Variants in LOXL1 observed in about 807,000 individuals in gnomAD.
The protein encoded by LOXL1 is lysyl oxidase homolog 1.
LOXL1 carries 31 observed loss-of-function variants against 62.2 expected under a neutral mutation model. The observed-to-expected ratio is 0.50, with a 90% confidence interval of 0.37 to 0.67. The LOEUF is 0.67. Among genes scored for constraint, LOXL1 ranks in the 30% least tolerant of loss-of-function variants. The pLI is 0.00. For missense variants in LOXL1, 775 were observed against 843.4 expected (o/e 0.92, Z 1.00); for synonymous variants, 403 against 384.4 (o/e 1.05, Z -0.56).
At chr15:73,946,292 C>T (rs1441815094) in intron 2 of LOXL1, 125 bp from the exon 3 acceptor site, 1 of 665,078 alleles carries the variant, frequency 1.5e-6, no homozygotes, top group Non-Finnish European at 2.6e-6. Flanking sequence ...AGAAGATCTT[C>T]AGGGACAAGG....
intron 1 of LOXL1, among the ~76,000 whole-genome samples, chr15:73,935,249 A>G (rs755992175): frequency 5.9e-5 from 9 of 152,160 alleles, no homozygotes; most frequent in Admixed American, 5.2e-4. Flanking sequence ...AGGCTGTTCC[A>G]GAGAGTAGGA....
chr15:73,946,936 C>A, intron 3 of LOXL1, 131 bp from the exon 4 acceptor site: 1 of 1,013,072 alleles, frequency 9.9e-7, no homozygotes, highest in Non-Finnish European at 1.4e-6. Flanking sequence ...ACTCAGGAGA[C>A]AGGAGAACCT....
rs1255130209 is a variant in LOXL1 at position 73,949,474 on chromosome 15, A to G, written c.1618A>G (p.Lys540Glu). 6.2e-7 allele frequency: 1 copy of G among 1,612,448 alleles called. No homozygotes were observed. Among genetic ancestry groups the G allele is most frequent in the East Asian group, 2.2e-5 (1 of 44,856 alleles). The change falls in exon 6 of 7, where the codon AAG becomes GAG. Residue 540 changes from lysine to glutamate, a missense_variant. Coordinates refer to ENST00000261921, the MANE Select transcript of LOXL1 (RefSeq NM_005576.4). Reference sequence around the variant, plus strand: ...TCTTCCTCAGGTGCACGTGAACCCAAAGTATATTGTTTTGGAGTCTGACTT... The same window carrying G: ...TCTTCCTCAGGTGCACGTGAACCCAGAGTATATTGTTTTGGAGTCTGACTT... ...NYILKVHVNP[K>E]YIVLESDFTN...
chr15:73,950,903 A>C (rs2068780204), intron 6 of LOXL1, among the ~76,000 whole-genome samples: 1 of 152,236 alleles, frequency 6.6e-6, no homozygotes, highest in Admixed American at 6.5e-5. Context: ...GTTCCTCATG[A>C]GTAGAATGAG....
intron 2 of LOXL1, among the ~76,000 whole-genome samples, chr15:73,943,605 G>T (rs978510295): frequency 7.2e-5 from 11 of 151,896 alleles, no homozygotes; most frequent in African/African-American, 2.2e-4. Context: ...CATTATTCAT[G>T]GGTGATCCTG....
chr15:73,945,319 G>C lies in LOXL1; in HGVS notation c.1212-1098G>C, dbSNP rs980918996. ...TCTGGACCCAGTGCAAGATGTAGAT[G>C]GTATCGGGCTGTGCTGCAGTCAGTG... On this transcript the variant is annotated intron_variant, in intron 2 of 6. Coordinates refer to ENST00000261921, the MANE Select transcript of LOXL1 (RefSeq NM_005576.4). This position sits in a 1 kb window ranked among gnomAD's most constrained non-coding sequence, Gnocchi z 4.3. Among the ~76,000 whole-genome samples the C allele has an allele frequency of 5.3e-5, 8 of 152,190 alleles. No homozygotes were observed. The highest frequency in any genetic ancestry group is 1.9e-4 in the African/African-American group (8 of 41,436).
At position 73,930,977 on chromosome 15, in the gene LOXL1, C is replaced by G. The variant is rs895130151; in HGVS notation, c.1102+3092C>G. Among the ~76,000 whole-genome samples, 1 of 152,182 alleles carries G rather than the reference C, an allele frequency of 6.6e-6. No homozygotes were observed. Among genetic ancestry groups the G allele is most frequent in the Admixed American group, 6.5e-5 (1 of 15,286 alleles). ...GTCTCCTGCACTGTGTCGGCTCCCT[C>G]GATGTGACCACTCCTGCTATTACCA... is the stretch of plus-strand genomic sequence containing the variant. On this transcript the variant is annotated intron_variant, in intron 1 of 6. Transcript: ENST00000261921. This position sits in a 1 kb window ranked among gnomAD's most constrained non-coding sequence, Gnocchi z 4.7.
intron 1 of LOXL1, among the ~76,000 whole-genome samples, chr15:73,937,849 T>C (rs2068684883): frequency 6.6e-6 from 1 of 152,152 alleles, no homozygotes; most frequent in Non-Finnish European, 1.5e-5. Flanking sequence ...CCAGTGGTGC[T>C]GGGGGCTTGG....
intron 1 of LOXL1, among the ~76,000 whole-genome samples, chr15:73,936,387 C>T (rs1018777120): frequency 5.3e-5 from 8 of 152,182 alleles, no homozygotes; most frequent in African/African-American, 7.2e-5. Context: ...CAGCTCCCGC[C>T]GTGGAGGCCT....
Position 73,951,910 on chromosome 15 carries a change from AG to A in LOXL1, c.*77del. On this transcript the variant is annotated 3_prime_UTR_variant, in exon 7 of 7. Transcript: ENST00000261921. ...CTGCTCCCCGGGCAGCCTCCCGCCG[AG>A]GGGCCCAGCCCCCAACCCACAGGCA... is the stretch of plus-strand genomic sequence containing the variant. The A allele has an allele frequency of 7.3e-7, 1 of 1,374,522 alleles. No homozygotes were observed. Among genetic ancestry groups the A allele is most frequent in the Non-Finnish European group, 9.6e-7 (1 of 1,045,966 alleles). The allele number at this position is 1,374,522 out of a possible 1,614,324, so 85.1% of individuals were successfully genotyped here. A position where few individuals can be genotyped will look rare whatever the true frequency, so the allele number is the denominator to read the frequency against.
intron 4 of LOXL1, 100 bp from the exon 5 acceptor site, chr15:73,947,707 G>T: frequency 1.2e-6 from 1 of 834,468 alleles, no homozygotes; most frequent in Non-Finnish European, 2.0e-6. Flanking sequence ...GGTCAGGGGA[G>T]AAACCCAGGG....
intron 1 of LOXL1, among the ~76,000 whole-genome samples, chr15:73,938,279 C>CTATCTATCTATG (rs2068688790): frequency 1.3e-5 from 2 of 148,918 alleles, no homozygotes; most frequent in Admixed American, 6.7e-5. Flanking sequence ...GACTCCGTAT[C>CTATCTATCTATG]TATCTATCTA....
chr15:73,949,446 T>C lies in LOXL1; in HGVS notation c.1603-13T>C. The stretch of plus-strand genomic sequence containing the variant: ...ACTAGACTCCCTTTCTCCCTGTTTC[T>C]CTTCTTCCTCAGGTGCACGTGAACC... On this transcript the variant is annotated splice_polypyrimidine_tract_variant and intron_variant, in intron 5 of 6. Coordinates refer to ENST00000261921, the MANE Select transcript of LOXL1 (RefSeq NM_005576.4). The C allele has an allele frequency of 6.5e-7, 1 of 1,533,318 alleles. No individual in the cohort carries two copies. Among genetic ancestry groups the C allele is most frequent in the Non-Finnish European group, 9.0e-7 (1 of 1,106,260 alleles). 95.0% of individuals were successfully genotyped at this position (1,533,318 alleles called of 1,614,324 possible). A position where few individuals can be genotyped will look rare whatever the true frequency, so the allele number is the denominator to read the frequency against.
At chr15:73,944,780 G>C (rs1344210158) in intron 2 of LOXL1, among the ~76,000 whole-genome samples, 1 of 152,178 alleles carries the variant, frequency 6.6e-6, no homozygotes, top group African/African-American at 2.4e-5. Flanking sequence ...GGATTTAACT[G>C]AACAGAGGGA....
chr15:73,947,155 T>C lies in LOXL1; in HGVS notation c.1438T>C (p.Phe480Leu). The change falls in exon 4 of 7, where the codon TTC becomes CTC. Residue 480 changes from phenylalanine (F) to leucine (L), a missense_variant. Physicochemically the swap from Phe to Leu is conservative, Grantham distance 22. Transcript: ENST00000261921. ...GGTGGCCGAGGGCCACAAGGCCAGT[T>C]TCTGCCTGGAGGACAGCACCTGTGA... is the stretch of plus-strand genomic sequence containing the variant. ...KKVAEGHKAS[F>L]CLEDSTCDFG... 6.2e-7 allele frequency: 1 copy of C among 1,613,842 alleles called. No individual in the cohort carries two copies. Among genetic ancestry groups the C allele is most frequent in the Non-Finnish European group, 8.5e-7 (1 of 1,179,736 alleles).
rs146322041 is a variant in LOXL1, at chr15:73,941,139, C to G, written c.1103-1715C>G. ...AGGGTCCAGAGAGTGAGAACCAGCT[C>G]CCAGCTGGCTTGAGGGCCTATGGGT... On this transcript the variant is annotated intron_variant, in intron 1 of 6. Transcript: ENST00000261921. 3.1e-3 allele frequency among the ~76,000 whole-genome samples: 473 copies of G among 152,300 alleles called. 3 individuals carry two copies. Among genetic ancestry groups the G allele is most frequent in the Middle Eastern group, 0.027 (8 of 294 alleles).
At chr15:73,949,331 C>T (rs541249957) in intron 5 of LOXL1, 128 bp from the exon 6 acceptor site, 3 of 716,656 alleles carry the variant, frequency 4.2e-6, no homozygotes, top group Admixed American at 3.8e-5. Flanking sequence ...AGCAGTGTGT[C>T]TCTGTTCTCC....
Position 73,927,869 on chromosome 15 carries a change from C to T in LOXL1, c.1086C>T (p.Pro362=). ...GRLSVGSVYR[P]NQNGRGLPDL... ...TCAGCGTGGGCAGCGTGTACCGGCCCAACCAGAACGGCCGCGGTGAGTACG... is the reference window on the plus strand; with the variant it reads ...TCAGCGTGGGCAGCGTGTACCGGCCTAACCAGAACGGCCGCGGTGAGTACG... The change falls in exon 1 of 7, where the codon CCC becomes CCT. Residue 362 remains proline (P), a synonymous_variant. Transcript: ENST00000261921. 7.6e-7 allele frequency: 1 copy of T among 1,323,664 alleles called. No homozygotes were observed. Among genetic ancestry groups the T allele is most frequent in the East Asian group, 3.1e-5 (1 of 32,156 alleles). 82.0% of individuals were successfully genotyped at this position (1,323,664 alleles called of 1,614,324 possible).
rs2068581213 is a variant in LOXL1 at position 73,926,823 on chromosome 15, G to A, written c.40G>A (p.Val14Met). 6.6e-7 allele frequency: 1 copy of A among 1,520,570 alleles called. No individual in the cohort carries two copies. The highest frequency in any genetic ancestry group is 1.4e-5 in the African/African-American group (1 of 70,890). 94.2% of individuals were successfully genotyped at this position (1,520,570 alleles called of 1,614,324 possible). ...ARGSRQLGAL[V>M]WGACLCVLVH... ...AGGCAGCCGGCAGCTGGGGGCCCTG[G>A]TGTGGGGCGCCTGCCTGTGCGTGCT... The change falls in exon 1 of 7, where the codon GTG (valine) becomes ATG (methionine). Residue 14 changes from valine (V) to methionine (M), a missense_variant. Physicochemically the swap from Val to Met is conservative, Grantham distance 21. Transcript: ENST00000261921.
Sources: gnomAD v4.1 joint callset for allele counts (sites outside exome capture counted in the v4.1 genomes callset) on GRCh38, gnomAD v4.1.1 for gene constraint, Gnocchi (gnomAD v3.1) non-coding constraint, MANE v1.5 for transcripts, NCBI Gene and HGNC (gene_info 2026-07-23, HGNC 2026-07-21) for gene names.